The following SGCZ variants were observed in gnomAD, a reference collection of about 807,000 sequenced individuals.
SGCZ encodes the protein sarcoglycan zeta.
A neutral mutation model predicts 41.3 loss-of-function variants in SGCZ; 40 were observed. The ratio of observed to expected loss-of-function variants is 0.97; its 90% CI spans 0.75 to 1.26. SGCZ has a LOEUF of 1.26. SGCZ is among the 50% of genes most tolerant of loss of function. The pLI, the probability that SGCZ is intolerant of heterozygous loss-of-function variation, is 0.00. For missense variants in SGCZ, 552 were observed against 369.8 expected (o/e 1.49, Z -4.04); for synonymous variants, 206 against 137.5 (o/e 1.50, Z -3.49).
intron 1 of SGCZ, among the ~76,000 whole-genome samples, chr8:14,877,785 T>C (rs1334450965): frequency 6.6e-6 from 1 of 152,136 alleles, no homozygotes; most frequent in Admixed American, 6.6e-5. Context: ...CGAATATATT[T>C]ATTCGTTTTT....
At chr8:14,589,772 G>C (rs904718140) in intron 1 of SGCZ, among the ~76,000 whole-genome samples, 11 of 152,134 alleles carry the variant, frequency 7.2e-5, no homozygotes, top group Non-Finnish European at 1.3e-4. Flanking sequence ...CTACTAGGGA[G>C]ATGTATATGG....
intron 2 of SGCZ, among the ~76,000 whole-genome samples, chr8:14,349,974 T>G (rs1278220938): frequency 6.6e-6 from 1 of 152,038 alleles, no homozygotes; most frequent in Non-Finnish European, 1.5e-5. Flanking sequence ...ATTTCCAAAT[T>G]TACTGGCAAA....
chr8:15,117,358 CAA>C (rs111672452), intron 1 of SGCZ, among the ~76,000 whole-genome samples: 4 of 137,014 alleles, frequency 2.9e-5, no homozygotes, highest in Admixed American at 7.4e-5. Flanking sequence ...GACTCCATCT[CAA>C]AAAAAAAAAA....
chr8:14,354,048 GTTA>G (rs528096753), intron 2 of SGCZ, among the ~76,000 whole-genome samples: 89 of 152,112 alleles, frequency 5.9e-4, no homozygotes, highest in Non-Finnish European at 1.2e-3. Context: ...TTCATTTTCA[GTTA>G]TTAATGTAGA....
chr8:14,987,778 C>A (rs1406289525), intron 1 of SGCZ, among the ~76,000 whole-genome samples: 1 of 151,960 alleles, frequency 6.6e-6, no homozygotes, highest in Non-Finnish European at 1.5e-5. Flanking sequence ...TCATAATTAA[C>A]CCAAACGGAG....
intron 1 of SGCZ, among the ~76,000 whole-genome samples, chr8:14,637,465 C>G (rs1806871056): frequency 6.6e-6 from 1 of 151,772 alleles, no homozygotes; most frequent in Non-Finnish European, 1.5e-5. Context: ...ACCCACATAT[C>G]TCTCCCTCCT....
At chr8:14,527,200 T>C (rs1008537271) in intron 2 of SGCZ, among the ~76,000 whole-genome samples, 9 of 152,172 alleles carry the variant, frequency 5.9e-5, no homozygotes, top group African/African-American at 1.9e-4. Flanking sequence ...TTAATATGTT[T>C]AATATGAAAC....
intron 1 of SGCZ, among the ~76,000 whole-genome samples, chr8:14,589,535 T>C (rs942000961): frequency 3.9e-5 from 6 of 152,144 alleles, no homozygotes; most frequent in African/African-American, 1.4e-4. Context: ...TCAGGCAGTC[T>C]TTCAAAAATG....
intron 1 of SGCZ, among the ~76,000 whole-genome samples, chr8:14,862,996 A>G (rs114284070): frequency 0.024 from 3,603 of 152,258 alleles, 52 homozygotes; most frequent in Middle Eastern, 0.048. Context: ...AAGGGAAATA[A>G]GAAGGAAATC....
chr8:14,350,501 C>A (rs1272929809), intron 2 of SGCZ, among the ~76,000 whole-genome samples: 2 of 152,068 alleles, frequency 1.3e-5, no homozygotes, highest in African/African-American at 4.8e-5. Flanking sequence ...TCTGCTAAAT[C>A]CCTTTCCAGG....
intron 1 of SGCZ, among the ~76,000 whole-genome samples, chr8:14,687,214 T>A (rs1808640810): frequency 6.7e-6 from 1 of 149,232 alleles, no homozygotes; most frequent in Non-Finnish European, 1.5e-5. Flanking sequence ...ATTATTATAC[T>A]TTAAGTTTTA....
intron 1 of SGCZ, among the ~76,000 whole-genome samples, chr8:15,111,993 C>T (rs182627303): frequency 0.016 from 2,438 of 152,114 alleles, 60 homozygotes; most frequent in African/African-American, 0.054. Context: ...TTGTAAAACA[C>T]GCCAAGAACC....
intron 1 of SGCZ, among the ~76,000 whole-genome samples, chr8:14,599,578 G>A (rs369796691): frequency 4.6e-5 from 7 of 152,158 alleles, no homozygotes; most frequent in African/African-American, 1.7e-4. Flanking sequence ...GCCCCTTCTT[G>A]TTCTCCTGGG....
At chr8:14,570,985 C>T (rs960423644) in intron 1 of SGCZ, among the ~76,000 whole-genome samples, 5 of 152,100 alleles carry the variant, frequency 3.3e-5, no homozygotes, top group African/African-American at 9.7e-5. Context: ...TCTCACTCAT[C>T]GAGATTAGTC....
rs376264771 is a variant in SGCZ at position 14,860,548 on chromosome 8, AAG to A, written c.40-305624_40-305623del. Among the ~76,000 whole-genome samples the A allele has an allele frequency of 2.6e-4, 39 of 151,612 alleles. 1 individual carries two copies. The East Asian group carries it at 6.6e-3, about 26-fold the overall frequency. On this transcript the variant is annotated intron_variant, in intron 1 of 7. Transcript: ENST00000382080. ...AAAGAAGGAAAGAATGAAAGAAAGA[AAG>A]AGAAAGGAAAGGAAAGAAAGAAAAG...
intron 1 of SGCZ, among the ~76,000 whole-genome samples, chr8:14,799,987 A>G (rs184076330): frequency 6.6e-6 from 1 of 152,316 alleles, no homozygotes; most frequent in Admixed American, 6.5e-5. Flanking sequence ...ACAATTCATA[A>G]TGTTTAACAA....
At chr8:14,757,824 T>C (rs561919711) in intron 1 of SGCZ, among the ~76,000 whole-genome samples, 7 of 152,284 alleles carry the variant, frequency 4.6e-5, no homozygotes, top group Admixed American at 2.0e-4. Context: ...GCCCATACTT[T>C]CATGACCTAT....
intron 1 of SGCZ, among the ~76,000 whole-genome samples, chr8:15,215,958 A>T (rs1242236313): frequency 6.6e-6 from 1 of 152,176 alleles, no homozygotes; most frequent in East Asian, 1.9e-4. Context: ...TATTGGAAGT[A>T]CATCCTTGTT....
At chr8:14,509,223 A>G (rs767823346) in intron 2 of SGCZ, among the ~76,000 whole-genome samples, 9 of 152,158 alleles carry the variant, frequency 5.9e-5, no homozygotes, top group African/African-American at 9.6e-5. Flanking sequence ...GAAATTGATT[A>G]TTTCCAATGC....
Sources: gnomAD v4.1 joint callset for allele counts (sites outside exome capture counted in the v4.1 genomes callset) on GRCh38, gnomAD v4.1.1 for gene constraint, MANE v1.5 for transcripts, NCBI Gene and HGNC (gene_info 2026-07-23, HGNC 2026-07-21) for gene names.